Variants in PANK2 observed in about 807,000 individuals in gnomAD.
PANK2 encodes the protein pantothenate kinase 2, mitochondrial.
In PANK2, 36 loss-of-function variants were observed where a neutral mutation model predicts 43.1. That is an observed-to-expected ratio of 0.84 (90% CI 0.64 to 1.10). The LOEUF (loss-of-function observed/expected upper bound fraction) is 1.10. Ranked by LOEUF, PANK2 falls within the 50% of genes least tolerant of loss-of-function variation. The probability of loss-of-function intolerance (pLI) is 0.00; values close to 1 mark genes in which losing one functional copy is unlikely to be tolerated. For missense variants in PANK2, 576 were observed against 593.3 expected (o/e 0.97, Z 0.30); for synonymous variants, 281 against 238.2 (o/e 1.18, Z -1.66).
intron 4 of PANK2, 147 bp from the exon 5 acceptor site, chr20:3,916,780 A>C: frequency 1.7e-6 from 2 of 1,180,518 alleles, no homozygotes; most frequent in South Asian, 2.7e-5. Context: ...TTCTCTTTGA[A>C]CAGATGCTCC....
intron 4 of PANK2, among the ~76,000 whole-genome samples, chr20:3,913,994 T>C (rs1223465802): frequency 6.6e-6 from 1 of 151,672 alleles, no homozygotes; most frequent in Non-Finnish European, 1.5e-5. Context: ...TTTCACTATG[T>C]TGGCCAGGAT....
In PANK2 at chr20:3,891,641, G is replaced by A. The variant is rs1600484750; in HGVS notation, c.298+1913G>A. On this transcript the variant is annotated intron_variant, in intron 1 of 6. Transcript: ENST00000610179. ...TGTGTTCAAGACTGACTTACTTGAG[G>A]CGAAAATTTTTAGATACTGTGGAAG... Among the ~76,000 whole-genome samples the A allele has an allele frequency of 3.9e-5, 6 of 152,268 alleles. No individual in the cohort carries two copies. In the Middle Eastern group the frequency reaches 0.02, roughly 518 times the overall value.
intron 1 of PANK2, chr20:3,901,605 A>G (rs2090303046): frequency 5.1e-6 from 5 of 981,836 alleles, no homozygotes; most frequent in Non-Finnish European, 6.0e-6. Flanking sequence ...TCAACTTCCT[A>G]TGTCGAAATC....
At chr20:3,888,954 GC>G, upstream of PANK2, 10 of 613,726 alleles carry the variant, frequency 1.6e-5, no homozygotes, top group South Asian at 9.8e-5. Context: ...GCGGCCAGAC[GC>G]TGCGGGAGCA....
chr20:3,890,353 G>C (rs1008421553), intron 1 of PANK2, among the ~76,000 whole-genome samples: 4 of 152,114 alleles, frequency 2.6e-5, no homozygotes, highest in African/African-American at 9.7e-5. Flanking sequence ...TGGCATTCTG[G>C]GCATTAAGGC....
In PANK2 at chr20:3,927,619, G is replaced by A. The variant is rs1432966448; in HGVS notation, c.*4325G>A. ...TGCCCCGTTCCTGGCAATGATGTCA[G>A]AAGACCAAGAGGCGATAGTTACCAG... On this transcript the variant is annotated 3_prime_UTR_variant, in exon 7 of 7. Transcript: ENST00000610179. 3.3e-5 allele frequency: 5 copies of A among 152,214 alleles called. No individual in the cohort carries two copies. Among genetic ancestry groups the A allele is most frequent in the African/African-American group, 4.8e-5 (2 of 41,450 alleles). 9.4% of individuals were successfully genotyped at this position (152,214 alleles called of 1,614,324 possible).
rs559867463 is a variant in PANK2, at chr20:3,898,084, T to C, written c.298+8356T>C. On this transcript the variant is annotated intron_variant, in intron 1 of 6. Coordinates refer to ENST00000610179, the MANE Select transcript of PANK2 (RefSeq NM_001386393.1). ...TCTGTTGAGATAATCATGATTTTTT[T>C]CCCTTCATCTTACTAATTGGAATTT... Among the ~76,000 whole-genome samples the C allele has an allele frequency of 1.4e-3, 215 of 152,354 alleles. 8 individuals are homozygous for C. In the South Asian group the frequency reaches 0.037, roughly 26 times the overall value.
At chr20:3,913,760 G>GCACACA (rs766867978) in intron 4 of PANK2, among the ~76,000 whole-genome samples, 26 of 130,102 alleles carry the variant, frequency 2.0e-4, no homozygotes, top group East Asian at 1.2e-3. Flanking sequence ...TTGTATGTAT[G>GCACACA]CACACACACA....
rs545567832 is a variant in PANK2 at position 3,889,463 on chromosome 20, G to C, written c.33G>C (p.Leu11=). ...GCTTGCTCGGGCGGCAGCGACTGCT[G>C]CTGCGGATGGGAGGGGGCCGGCTCG... The change falls in exon 1 of 7, where the codon CTG becomes CTC. Residue 11 remains leucine, a synonymous_variant. Transcript: ENST00000610179. 4 of 1,543,700 alleles carry C rather than the reference G, an allele frequency of 2.6e-6. No individual in the cohort carries two copies.
At chr20:3,902,734 TCTATATTGA>T (rs1470222065) in intron 1 of PANK2, among the ~76,000 whole-genome samples, 1 of 151,880 alleles carries the variant, frequency 6.6e-6, no homozygotes, top group African/African-American at 2.4e-5. Flanking sequence ...TTCCATTTTC[TCTATATTGA>T]CTATATTGAC....
chr20:3,905,173 CTGCACCAG>C (rs1281802020), intron 1 of PANK2, among the ~76,000 whole-genome samples: 1 of 120,960 alleles, frequency 8.3e-6, no homozygotes, highest in Non-Finnish European at 1.8e-5. Flanking sequence ...GACTGCACCA[CTGCACCAG>C]ACCTGCTTTT....
intron 1 of PANK2, among the ~76,000 whole-genome samples, chr20:3,899,025 C>T (rs924748456): frequency 6.6e-6 from 1 of 151,746 alleles, no homozygotes; most frequent in East Asian, 1.9e-4. Context: ...CAGGTGCCCA[C>T]CACTGCACCT....
chr20:3,889,109 G>A (rs1211425299), upstream of PANK2: 1 of 1,546,630 alleles, frequency 6.5e-7, no homozygotes. Flanking sequence ...GGATGAGGAG[G>A]CTCGGGCCCT....
chr20:3,911,446 A>T (rs2090467250), intron 3 of PANK2, among the ~76,000 whole-genome samples: 1 of 148,658 alleles, frequency 6.7e-6, no homozygotes, highest in South Asian at 2.2e-4. Flanking sequence ...AGCCGGGCGC[A>T]GTGGCAGGCG....
Position 3,895,096 on chromosome 20 carries a change from T to A in PANK2, c.298+5368T>A, listed in dbSNP as rs951837541. ...GAGTTCAAGACCAGCTTGGGCAACATAGCCAGACCTCGTCTCTCCAAAAAT... is the reference window on the plus strand; with the variant it reads ...GAGTTCAAGACCAGCTTGGGCAACAAAGCCAGACCTCGTCTCTCCAAAAAT... On this transcript the variant is annotated intron_variant, in intron 1 of 6. Transcript: ENST00000610179. Among the ~76,000 whole-genome samples the A allele has an allele frequency of 8.5e-5, 13 of 152,048 alleles. No homozygotes were observed. In the East Asian group the frequency reaches 2.5e-3, roughly 29 times the overall value.
chr20:3,906,937 TACAA>T (rs2090396074), intron 1 of PANK2, among the ~76,000 whole-genome samples: 1 of 151,946 alleles, frequency 6.6e-6, no homozygotes, highest in African/African-American at 2.4e-5. Flanking sequence ...TAGCTGGGAC[TACAA>T]GCGCACGCCA....
chr20:3,918,274 A>G (rs1296675822), intron 5 of PANK2, among the ~76,000 whole-genome samples: 3 of 151,886 alleles, frequency 2.0e-5, no homozygotes, highest in Non-Finnish European at 4.4e-5. Context: ...TTGTTTGATG[A>G]CTAGTGGTTT....
Position 3,889,607 on chromosome 20 carries a change from C to A in PANK2, c.177C>A (p.Ser59Arg). Residue 59 changes from serine to arginine, a missense_variant, in exon 1 of 7, where the codon AGC becomes AGA. By Grantham distance (110) the Ser-to-Arg change is moderately radical. Around this residue, in one of 2 missense-constraint regions of PANK2, gnomAD observed 544 missense variants for 528.9 expected, o/e 1.03. Coordinates refer to ENST00000610179, the MANE Select transcript of PANK2 (RefSeq NM_001386393.1). ...AGCCACTGCGGCGCCGGGCGAGCAG[C>A]GCGTCGGTGCCCGCGGTCGGGGCCT... 1 of 1,527,876 alleles carries A rather than the reference C, an allele frequency of 6.5e-7. No individual in the cohort carries two copies. 94.6% of individuals were successfully genotyped at this position (1,527,876 alleles called of 1,614,324 possible). A position where few individuals can be genotyped will look rare whatever the true frequency, so the allele number is the denominator to read the frequency against.
chr20:3,929,251 A>G lies in PANK2; in HGVS notation c.*5957A>G, dbSNP rs1459001246. On this transcript the variant is annotated 3_prime_UTR_variant, in exon 7 of 7. Coordinates refer to ENST00000610179, the MANE Select transcript of PANK2 (RefSeq NM_001386393.1). ...CTGTCTCTACAAAAAAATAATTACG[A>G]AAATTAGCCAGGTGTGCTGGTGTGC... The G allele has an allele frequency of 6.6e-6, 1 of 152,238 alleles. No homozygotes were observed. The highest frequency in any genetic ancestry group is 2.4e-5 in the African/African-American group (1 of 41,432). The allele number at this position is 152,238 out of a possible 1,614,324, so 9.4% of individuals were successfully genotyped here. A position where few individuals can be genotyped will look rare whatever the true frequency, so the allele number is the denominator to read the frequency against.
Sources: allele counts gnomAD v4.1 joint callset (sites outside exome capture counted in the v4.1 genomes callset), GRCh38; gene constraint gnomAD v4.1.1; regional missense constraint gnomAD v4.1.1; transcripts MANE v1.5; gene names NCBI Gene and HGNC (gene_info 2026-07-23, HGNC 2026-07-21).